SPRY3: variants seen among roughly 807,000 people sequenced by gnomAD.
The protein encoded by SPRY3 is protein sprouty homolog 3.
Under a neutral mutation model 20.2 loss-of-function variants are expected in SPRY3, and 15 were observed. That is an observed-to-expected ratio of 0.74 (90% CI 0.50 to 1.14). SPRY3 has a LOEUF of 1.14. SPRY3 is among the 50% of genes most tolerant of loss of function. The pLI is 0.00. For synonymous variants in SPRY3, 143 were observed against 136.5 expected, an observed-to-expected ratio of 1.05 and a Z score of -0.33; for missense variants, 364 against 363.9, an observed-to-expected ratio of 1.00 and a Z score of 0.00.
intron 2 of SPRY3, among the ~76,000 whole-genome samples, chrX:155,683,839 G>A (rs2068080403): frequency 8.9e-6 from 1 of 112,101 alleles, no homozygotes; most frequent in Admixed American, 9.5e-5. Flanking sequence ...TGGGACAGAA[G>A]CCTGGGAAAG....
intron 2 of SPRY3, among the ~76,000 whole-genome samples, chrX:155,725,606 T>A (rs895580826): frequency 1.3e-5 from 2 of 152,240 alleles, no homozygotes; most frequent in African/African-American, 4.8e-5. Flanking sequence ...ATTATTTGTG[T>A]AGAGGTGTTT....
intron 2 of SPRY3, among the ~76,000 whole-genome samples, chrX:155,715,253 G>T (rs946069169): frequency 1.3e-5 from 2 of 151,810 alleles, no homozygotes; most frequent in African/African-American, 4.8e-5. Flanking sequence ...TATCACTGGT[G>T]GTTGTTCGTG....
At chrX:155,654,759 A>G (rs992938129) in intron 1 of SPRY3, among the ~76,000 whole-genome samples, 4 of 102,088 alleles carry the variant, frequency 3.9e-5, no homozygotes, top group African/African-American at 1.5e-4. Context: ...TCTTTATCTA[A>G]TCATCTGTTT....
At chrX:155,721,091 T>C (rs1307878770) in intron 2 of SPRY3, among the ~76,000 whole-genome samples, 1 of 152,052 alleles carries the variant, frequency 6.6e-6, no homozygotes, top group Non-Finnish European at 1.5e-5. Flanking sequence ...AACACAGATA[T>C]TGAAATAATT....
intron 2 of SPRY3, among the ~76,000 whole-genome samples, chrX:155,673,428 T>C (rs903703627): frequency 1.8e-5 from 2 of 111,338 alleles, no homozygotes; most frequent in African/African-American, 6.5e-5. Context: ...GTGAAATGCA[T>C]CTGTTGGTTT....
At chrX:155,739,043 T>G (rs1364130136) in intron 2 of SPRY3, among the ~76,000 whole-genome samples, 1 of 152,130 alleles carries the variant, frequency 6.6e-6, no homozygotes, top group African/African-American at 2.4e-5. Flanking sequence ...CAGCCTGAGA[T>G]GGATTGAGTT....
At chrX:155,775,312 T>C in exon 4 of SPRY3, 1 of 168,320 alleles carries the variant, frequency 5.9e-6, no homozygotes, top group Non-Finnish European at 1.5e-5. Flanking sequence ...TCTTTCTTCC[T>C]CCCTTTCTCC....
chrX:155,633,365 C>T (rs2067912829), intron 1 of SPRY3, among the ~76,000 whole-genome samples: 1 of 94,187 alleles, frequency 1.1e-5, no homozygotes, highest in Non-Finnish European at 2.1e-5. Flanking sequence ...AAGGTGAAAC[C>T]CCGTCTCTAC....
intron 2 of SPRY3, among the ~76,000 whole-genome samples, chrX:155,704,260 G>A (rs2090932379): frequency 6.6e-6 from 1 of 151,632 alleles, no homozygotes; most frequent in African/African-American, 2.4e-5. Flanking sequence ...TGTTCCACCA[G>A]AAAAAGTGGA....
At chrX:155,730,434 A>G (rs1177883363) in intron 2 of SPRY3, among the ~76,000 whole-genome samples, 1 of 152,148 alleles carries the variant, frequency 6.6e-6, no homozygotes, top group Non-Finnish European at 1.5e-5. Flanking sequence ...GAGGACAAAA[A>G]CCATGTGATC....
intron 2 of SPRY3, among the ~76,000 whole-genome samples, chrX:155,670,953 C>T (rs372676740): frequency 7.1e-5 from 8 of 112,051 alleles, no homozygotes; most frequent in African/African-American, 2.6e-4. Context: ...CCAATTACTA[C>T]AGTCCATAAT....
At chrX:155,681,731 C>G (rs2068074729) in intron 2 of SPRY3, among the ~76,000 whole-genome samples, 1 of 112,524 alleles carries the variant, frequency 8.9e-6, no homozygotes, top group Non-Finnish European at 1.9e-5. Flanking sequence ...ATCAAACCAA[C>G]CACAGAATTC....
chrX:155,635,516 T>C (rs1027416759), intron 1 of SPRY3, among the ~76,000 whole-genome samples: 4 of 111,160 alleles, frequency 3.6e-5, no homozygotes, highest in Non-Finnish European at 7.6e-5. Context: ...CAAATTTACA[T>C]GAAAAAAACA....
At chrX:155,697,716 T>TCTC (rs967305195) in intron 2 of SPRY3, among the ~76,000 whole-genome samples, 6 of 109,068 alleles carry the variant, frequency 5.5e-5, no homozygotes, top group African/African-American at 2.0e-4. Context: ...GCAACCCATT[T>TCTC]CTCATATAAA....
At chrX:155,765,402 G>C (rs1338699915) in intron 2 of SPRY3, among the ~76,000 whole-genome samples, 2 of 152,106 alleles carry the variant, frequency 1.3e-5, no homozygotes, top group Non-Finnish European at 2.9e-5. Flanking sequence ...TTAAAAATCA[G>C]TATAATTCAT....
intron 2 of SPRY3, among the ~76,000 whole-genome samples, chrX:155,741,560 T>C (rs2091204588): frequency 6.6e-6 from 1 of 151,852 alleles, no homozygotes; most frequent in African/African-American, 2.4e-5. Flanking sequence ...CATCAGATTC[T>C]CCAAGGTCAA....
chrX:155,690,471 T>C (rs2068099669), intron 2 of SPRY3, among the ~76,000 whole-genome samples: 1 of 87,774 alleles, frequency 1.1e-5, no homozygotes, highest in African/African-American at 5.5e-5. Flanking sequence ...GTGACACCCA[T>C]AGGTTCAAAA....
chrX:155,752,748 T>A, intron 2 of SPRY3, among the ~76,000 whole-genome samples: 1 of 151,990 alleles, frequency 6.6e-6, no homozygotes, highest in Non-Finnish European at 1.5e-5. Context: ...TTTGATAATA[T>A]ACTTGGTTGG....
intron 2 of SPRY3, among the ~76,000 whole-genome samples, chrX:155,700,839 A>T (rs1451586852): frequency 2.1e-5 from 1 of 46,531 alleles, no homozygotes; most frequent in Non-Finnish European, 3.4e-5. Flanking sequence ...TTCAATTCCC[A>T]CCTATGAGTG....
Sources: gnomAD v4.1 joint callset for allele counts (sites outside exome capture counted in the v4.1 genomes callset) on GRCh38, gnomAD v4.1.1 for gene constraint, MANE v1.5 for transcripts, NCBI Gene and HGNC (gene_info 2026-07-23, HGNC 2026-07-21) for gene names.